Variants in CFAP58 observed in about 807,000 individuals in gnomAD.
The protein encoded by CFAP58 is cilia and flagella associated protein 58, also known as cilia- and flagella-associated protein 58.
Under a neutral mutation model 119.5 loss-of-function variants are expected in CFAP58, and 88 were observed. That is an observed-to-expected ratio of 0.74 (90% CI 0.62 to 0.88). CFAP58 has a LOEUF of 0.88. Among genes scored for constraint, CFAP58 ranks in the 40% least tolerant of loss-of-function variants. The pLI is 0.00. For missense variants in CFAP58, 990 were observed against 1,021.2 expected (o/e 0.97, Z 0.42); for synonymous variants, 365 against 366.3 (o/e 1.00, Z 0.04).
chr10:104,434,175 T>C (rs1397727544), intron 15 of CFAP58, among the ~76,000 whole-genome samples: 1 of 152,234 alleles, frequency 6.6e-6, no homozygotes, highest in Non-Finnish European at 1.5e-5. Flanking sequence ...TAAAGTGGTT[T>C]TCAGAGCTTG....
intron 14 of CFAP58, among the ~76,000 whole-genome samples, chr10:104,404,876 C>T (rs759691020): frequency 3.9e-5 from 6 of 152,152 alleles, no homozygotes; most frequent in African/African-American, 1.2e-4. Context: ...GGATTACAGG[C>T]GTGAGCCACC....
At chr10:104,386,390 A>T (rs1206581597) in intron 9 of CFAP58, among the ~76,000 whole-genome samples, 1 of 146,056 alleles carries the variant, frequency 6.8e-6, no homozygotes, top group East Asian at 2.0e-4. Context: ...AAAAAAAAAA[A>T]TAAATAAATA....
intron 8 of CFAP58, among the ~76,000 whole-genome samples, chr10:104,378,797 A>C (rs556877491): frequency 2.6e-5 from 4 of 152,162 alleles, no homozygotes; most frequent in South Asian, 4.1e-4. Flanking sequence ...AGAGGTGAAC[A>C]CTTTTGCATG....
chr10:104,394,185 C>T lies in CFAP58; in HGVS notation c.1674+710C>T, dbSNP rs533448462. Among the ~76,000 whole-genome samples the T allele has an allele frequency of 2.0e-5, 3 of 152,250 alleles. No homozygotes were observed. In the South Asian group the frequency reaches 6.2e-4, roughly 32 times the overall value. On this transcript the variant is annotated intron_variant, in intron 11 of 17. Coordinates refer to ENST00000369704, the MANE Select transcript of CFAP58 (RefSeq NM_001008723.2). ...ATTATGCCATTTTAAATCCTCTAAC[C>T]AAATATGTTTCACTATACACACCAC...
chr10:104,449,700 C>CT (rs997364571), intron 16 of CFAP58, among the ~76,000 whole-genome samples: 13 of 151,356 alleles, frequency 8.6e-5, no homozygotes, highest in East Asian at 3.9e-4. Flanking sequence ...TGAATATTTT[C>CT]TTTTTTTTTA....
intron 17 of CFAP58, among the ~76,000 whole-genome samples, chr10:104,453,381 A>G (rs1044891299): frequency 1.3e-5 from 2 of 152,238 alleles, no homozygotes; most frequent in African/African-American, 4.8e-5. Flanking sequence ...AATTTAGAAT[A>G]ATCTCTGTGG....
intron 15 of CFAP58, among the ~76,000 whole-genome samples, chr10:104,428,134 A>C (rs1234588911): frequency 1.3e-5 from 2 of 152,206 alleles, no homozygotes; most frequent in Non-Finnish European, 2.9e-5. Flanking sequence ...CTGATTTTGC[A>C]ATGTAACTCA....
chr10:104,358,591 ATG>A lies in CFAP58; in HGVS notation c.261_262del (p.Asp87GlufsTer13). The A allele has an allele frequency of 1.2e-6, 2 of 1,613,906 alleles. No homozygotes were observed. Among genetic ancestry groups the A allele is most frequent in the Non-Finnish European group, 1.7e-6 (2 of 1,179,834 alleles). Reference sequence around the variant, plus strand: ...GCCACTGCCCTTAAGCTCTCTCAGGATGATCAGACCACCATTGCATCCCTAAA... The same window carrying A: ...GCCACTGCCCTTAAGCTCTCTCAGGAATCAGACCACCATTGCATCCCTAAA... On this transcript the variant is annotated frameshift_variant, in exon 2 of 18. Transcript: ENST00000369704. LOFTEE classifies it high-confidence loss of function.
At chr10:104,357,918 T>G (rs540609294) in intron 1 of CFAP58, among the ~76,000 whole-genome samples, 1 of 118,550 alleles carries the variant, frequency 8.4e-6, no homozygotes, top group South Asian at 2.3e-4. Context: ...TACACACATA[T>G]ATGTACACAT....
At position 104,396,977 on chromosome 10, in the gene CFAP58, T is replaced by C. The variant is rs573159988; in HGVS notation, c.1675-2383T>C. On this transcript the variant is annotated intron_variant, in intron 11 of 17. Coordinates refer to ENST00000369704, the MANE Select transcript of CFAP58 (RefSeq NM_001008723.2). ...GGAGACCACTCAGAATTTTGATATA[T>C]TATGAAAAAAGTACCCAGCAATGCC... Among the ~76,000 whole-genome samples the C allele has an allele frequency of 2.6e-5, 4 of 152,334 alleles. No homozygotes were observed. The East Asian group carries it at 7.7e-4, about 29-fold the overall frequency.
At chr10:104,393,557 G>A in intron 11 of CFAP58, 82 bp downstream of exon 11, 1 of 1,397,460 alleles carries the variant, frequency 7.2e-7, no homozygotes, top group Non-Finnish European at 9.7e-7. Flanking sequence ...AAGGCAGCCA[G>A]GGGCAGGGAG....
intron 15 of CFAP58, among the ~76,000 whole-genome samples, chr10:104,417,798 G>A (rs1419763180): frequency 1.3e-5 from 2 of 152,224 alleles, no homozygotes; most frequent in African/African-American, 4.8e-5. Flanking sequence ...TGCTGCTGTT[G>A]TTTCATTTCA....
chr10:104,447,539 T>G (rs1212248769), intron 15 of CFAP58, among the ~76,000 whole-genome samples, 159 bp from the exon 16 acceptor site: 1 of 152,206 alleles, frequency 6.6e-6, no homozygotes. Flanking sequence ...TAAGGATTGT[T>G]TCAATGCATG....
intron 6 of CFAP58, among the ~76,000 whole-genome samples, chr10:104,370,231 C>T (rs112096428): frequency 3.9e-5 from 6 of 152,138 alleles, no homozygotes; most frequent in African/African-American, 9.7e-5. Context: ...ATTTTTGATA[C>T]GTACAACTTA....
intron 10 of CFAP58, among the ~76,000 whole-genome samples, 159 bp from the exon 11 acceptor site, chr10:104,393,169 TC>T (rs1564889839): frequency 6.6e-6 from 1 of 152,154 alleles, no homozygotes; most frequent in East Asian, 1.9e-4. Context: ...TACTTTGAGG[TC>T]GATGGGCACT....
intron 15 of CFAP58, among the ~76,000 whole-genome samples, chr10:104,439,810 T>C (rs908851192): frequency 3.9e-5 from 6 of 152,192 alleles, no homozygotes; most frequent in African/African-American, 1.4e-4. Flanking sequence ...AATTTGGAAG[T>C]GACTTACTGA....
At chr10:104,358,014 T>G (rs928061736) in intron 1 of CFAP58, among the ~76,000 whole-genome samples, 37 of 130,374 alleles carry the variant, frequency 2.8e-4, no homozygotes, top group Middle Eastern at 4.3e-3. Context: ...TATACACATA[T>G]ATGTACATAT....
Position 104,416,258 on chromosome 10 carries a change from G to T in CFAP58, c.2256+9465G>T, listed in dbSNP as rs117541569. ...ACCTAATGAACAGTGACACGGAAAT[G>T]GTTCAGGTGAGAAAACTGCCTTGGT... On this transcript the variant is annotated intron_variant, in intron 15 of 17. Coordinates refer to ENST00000369704, the MANE Select transcript of CFAP58 (RefSeq NM_001008723.2). Among the ~76,000 whole-genome samples the T allele has an allele frequency of 5.3e-3, 803 of 152,312 alleles. 2 individuals are homozygous for T. Among genetic ancestry groups the T allele is most frequent in the Middle Eastern group, 0.014 (4 of 294 alleles).
chr10:104,441,766 G>T (rs942914716), intron 15 of CFAP58, among the ~76,000 whole-genome samples: 1 of 152,136 alleles, frequency 6.6e-6, no homozygotes. Flanking sequence ...TTCCCTGCTC[G>T]TAAGGAACTC....
Sources: gnomAD v4.1 joint callset for allele counts (sites outside exome capture counted in the v4.1 genomes callset) on GRCh38, gnomAD v4.1.1 for gene constraint, MANE v1.5 for transcripts, NCBI Gene and HGNC (gene_info 2026-07-23, HGNC 2026-07-21) for gene names.